NFATC1: variants seen among roughly 807,000 people sequenced by gnomAD.
NFATC1 encodes nuclear factor of activated T-cells, cytoplasmic 1.
Under a neutral mutation model 76.0 loss-of-function variants are expected in NFATC1, and 22 were observed. The observed-to-expected ratio is 0.29, with a 90% CI of 0.21 to 0.41. The LOEUF is 0.41. Ranked by LOEUF, NFATC1 falls within the 10% of genes least tolerant of loss-of-function variation. NFATC1 has a pLI of 1.00. For missense variants in NFATC1, 1,357 were observed against 1,337.7 expected, an observed-to-expected ratio of 1.01 and a Z score of -0.23; for synonymous variants, 704 against 613.1, an observed-to-expected ratio of 1.15 and a Z score of -2.19.
intron 9 of NFATC1, among the ~76,000 whole-genome samples, chr18:79,505,812 GTGC>G (rs2090108235): frequency 1.4e-5 from 2 of 144,130 alleles, no homozygotes; most frequent in African/African-American, 5.3e-5. Context: ...GGAGGAGGTG[GTGC>G]TGGAGGCCCT....
chr18:79,440,078 T>C (rs548011141), intron 3 of NFATC1, among the ~76,000 whole-genome samples: 1 of 152,254 alleles, frequency 6.6e-6, no homozygotes, highest in East Asian at 1.9e-4. Context: ...GGCCTGGGTC[T>C]CCTGACAGGC....
chr18:79,483,240 G>C (rs1399784603), intron 8 of NFATC1, among the ~76,000 whole-genome samples: 1 of 137,018 alleles, frequency 7.3e-6, no homozygotes, highest in South Asian at 2.3e-4. Context: ...GTCCTGGGGT[G>C]TCACTCCAGC....
intron 1 of NFATC1, among the ~76,000 whole-genome samples, chr18:79,401,918 C>T (rs981026314): frequency 5.3e-5 from 8 of 152,194 alleles, no homozygotes; most frequent in African/African-American, 9.7e-5. Context: ...GGACAGTGTA[C>T]GGCCCTGGGC....
intron 9 of NFATC1, among the ~76,000 whole-genome samples, chr18:79,500,721 C>T (rs1345425022): frequency 1.3e-5 from 2 of 152,076 alleles, no homozygotes; most frequent in Non-Finnish European, 2.9e-5. Context: ...AATACTATAA[C>T]CTTATGCCAA....
chr18:79,519,138 G>A (rs984209178), intron 9 of NFATC1, among the ~76,000 whole-genome samples: 18 of 152,164 alleles, frequency 1.2e-4, no homozygotes, highest in African/African-American at 2.7e-4. Context: ...AGCCTCCGGC[G>A]GCTGGCAGGC....
chr18:79,405,098 T>G (rs1207880875), intron 1 of NFATC1, among the ~76,000 whole-genome samples: 1 of 152,176 alleles, frequency 6.6e-6, no homozygotes, highest in Non-Finnish European at 1.5e-5. Flanking sequence ...CCGTCTGTCC[T>G]AGCACCCCCA....
At chr18:79,507,570 G>A (rs146987517) in intron 9 of NFATC1, among the ~76,000 whole-genome samples, 4 of 152,316 alleles carry the variant, frequency 2.6e-5, no homozygotes, top group East Asian at 1.9e-4. Flanking sequence ...AGCTGGCACC[G>A]ATGGGCCCAG....
intron 1 of NFATC1, chr18:79,400,380 G>GCCCCGA (rs781370439): frequency 6.8e-7 from 1 of 1,477,036 alleles, no homozygotes; most frequent in Non-Finnish European, 9.0e-7. Flanking sequence ...CCCGGCCCCG[G>GCCCCGA]CCCGACCCGC....
chr18:79,452,411 G>T (rs1210664432), intron 6 of NFATC1, among the ~76,000 whole-genome samples: 1 of 152,240 alleles, frequency 6.6e-6, no homozygotes, highest in East Asian at 1.9e-4. Context: ...ACTTGGAAGG[G>T]CAGCAGGGGT....
chr18:79,463,826 G>GA (rs1220638317), intron 7 of NFATC1, among the ~76,000 whole-genome samples: 89 of 152,338 alleles, frequency 5.8e-4, no homozygotes, highest in Admixed American at 1.4e-3. Context: ...ATGCACGCGG[G>GA]TTGCGGGATG....
intron 3 of NFATC1, among the ~76,000 whole-genome samples, chr18:79,439,975 C>T (rs978212059): frequency 8.5e-5 from 13 of 152,106 alleles, no homozygotes; most frequent in Admixed American, 5.9e-4. Flanking sequence ...TTTACTGGCA[C>T]GGGGAAGGCG....
intron 8 of NFATC1, among the ~76,000 whole-genome samples, chr18:79,478,101 C>T (rs1196063232): frequency 1.5e-5 from 2 of 132,196 alleles, no homozygotes; most frequent in Non-Finnish European, 3.3e-5. Flanking sequence ...CCCCAGGCCC[C>T]CGTTCTTGCC....
chr18:79,424,012 C>T (rs569168328), intron 2 of NFATC1, among the ~76,000 whole-genome samples: 5 of 152,278 alleles, frequency 3.3e-5, no homozygotes, highest in African/African-American at 4.8e-5. Flanking sequence ...TTGCCCGGGC[C>T]GCCGAGCCCT....
chr18:79,436,644 G>C (rs893543886), intron 3 of NFATC1, among the ~76,000 whole-genome samples: 1 of 152,248 alleles, frequency 6.6e-6, no homozygotes, highest in African/African-American at 2.4e-5. Flanking sequence ...TCTCCAGGAA[G>C]CATTCGGAGC....
At chr18:79,482,368 G>GACCTGGTCCTGGGGTGTCACTCCAGCA (rs1208174546) in intron 8 of NFATC1, among the ~76,000 whole-genome samples, 10 of 123,964 alleles carry the variant, frequency 8.1e-5, no homozygotes, top group African/African-American at 2.8e-4. Flanking sequence ...TCATTCCAGT[G>GACCTGGTCCTGGGGTGTCACTCCAGCA]TGACGTGGTC....
At chr18:79,435,599 C>G (rs564217274) in intron 3 of NFATC1, among the ~76,000 whole-genome samples, 1 of 152,178 alleles carries the variant, frequency 6.6e-6, no homozygotes, top group African/African-American at 2.4e-5. Flanking sequence ...ACTCTCCCTG[C>G]GTCTTCTGGA....
intron 3 of NFATC1, among the ~76,000 whole-genome samples, chr18:79,443,041 C>A (rs112662669): frequency 1.3e-5 from 2 of 152,210 alleles, no homozygotes; most frequent in Admixed American, 6.5e-5. Context: ...CAGCCCTTCC[C>A]GGTCAGGACT....
Position 79,514,631 on chromosome 18 carries a change from C to T in NFATC1, c.2783-12897C>T, listed in dbSNP as rs188888312. 2.1e-3 allele frequency among the ~76,000 whole-genome samples: 315 copies of T among 149,838 alleles called. 5 individuals carry two copies. The highest frequency in any genetic ancestry group is 6.7e-3 in the African/African-American group (275 of 40,820). ...CACCCCCACCACCCTGGCATGCCTC[C>T]GAAGCAGGTGTCTTTTTTAAATGGC... On this transcript the variant is annotated intron_variant, in intron 9 of 9. Transcript: ENST00000427363.
chr18:79,430,755 A>G (rs191933608), intron 2 of NFATC1, among the ~76,000 whole-genome samples: 65 of 152,360 alleles, frequency 4.3e-4, no homozygotes, highest in African/African-American at 7.5e-4. Flanking sequence ...TGAGACGGGC[A>G]CCGCCTCGCA....
Sources: gnomAD v4.1 joint callset for allele counts (sites outside exome capture counted in the v4.1 genomes callset) on GRCh38, gnomAD v4.1.1 for gene constraint, MANE v1.5 for transcripts, NCBI Gene and HGNC (gene_info 2026-07-23, HGNC 2026-07-21) for gene names.